The following OXCT1 variants were observed in gnomAD, a reference collection of about 807,000 sequenced individuals.
OXCT1 encodes succinyl-CoA:3-ketoacid coenzyme A transferase 1, mitochondrial.
A neutral mutation model predicts 69.6 loss-of-function variants in OXCT1; 27 were observed. That is an observed-to-expected ratio of 0.39 (90% CI 0.29 to 0.54). The LOEUF is 0.54. Ranked by LOEUF, OXCT1 falls within the 20% of genes least tolerant of loss-of-function variation. The pLI is 0.72. For missense variants in OXCT1, 437 were observed against 650.2 expected (o/e 0.67, Z 3.57); for synonymous variants, 202 against 217.8 (o/e 0.93, Z 0.64).
intron 4 of OXCT1, among the ~76,000 whole-genome samples, chr5:41,850,959 A>G (rs1240941954): frequency 2.0e-5 from 3 of 152,140 alleles, no homozygotes; most frequent in Non-Finnish European, 2.9e-5. Context: ...GCCTACTGTG[A>G]TAGACTTGTT....
At chr5:41,738,666 A>T (rs1236360859) in intron 16 of OXCT1, among the ~76,000 whole-genome samples, 1 of 152,142 alleles carries the variant, frequency 6.6e-6, no homozygotes, top group Non-Finnish European at 1.5e-5. Context: ...TTTTAGTTTT[A>T]CTTTTGGTTA....
chr5:41,785,233 G>A (rs1745586824), intron 13 of OXCT1, among the ~76,000 whole-genome samples: 1 of 152,158 alleles, frequency 6.6e-6, no homozygotes, highest in Non-Finnish European at 1.5e-5. Flanking sequence ...AGGAAGTAAA[G>A]GTCCATCCCA....
chr5:41,868,626 G>C (rs1750120067), intron 1 of OXCT1, among the ~76,000 whole-genome samples: 1 of 151,630 alleles, frequency 6.6e-6, no homozygotes, highest in African/African-American at 2.4e-5. Context: ...GGGAGGCTGA[G>C]GCAGGAGAAT....
intron 1 of OXCT1, among the ~76,000 whole-genome samples, chr5:41,866,639 T>C (rs1194902392): frequency 6.6e-6 from 1 of 152,122 alleles, no homozygotes; most frequent in Non-Finnish European, 1.5e-5. Context: ...CTACCAAAGG[T>C]AGAATTTTCA....
chr5:41,734,508 G>A (rs904215359), intron 16 of OXCT1, among the ~76,000 whole-genome samples: 1 of 151,984 alleles, frequency 6.6e-6, no homozygotes, highest in African/African-American at 2.4e-5. Context: ...TAATACTTTC[G>A]CCCATCAAGT....
At chr5:41,824,365 T>C (rs1021352308) in intron 7 of OXCT1, among the ~76,000 whole-genome samples, 4 of 152,216 alleles carry the variant, frequency 2.6e-5, no homozygotes, top group African/African-American at 9.6e-5. Context: ...ATTGAAAATA[T>C]TTCAAGTATA....
intron 12 of OXCT1, 100 bp downstream of exon 12, chr5:41,794,577 G>T: frequency 9.4e-7 from 1 of 1,062,422 alleles, no homozygotes; most frequent in Non-Finnish European, 1.4e-6. Context: ...TTTTCTGGCT[G>T]GGAAATGTGG....
intron 5 of OXCT1, among the ~76,000 whole-genome samples, chr5:41,846,378 A>G (rs1206785018): frequency 9.8e-5 from 14 of 142,976 alleles, no homozygotes; most frequent in African/African-American, 3.1e-4. Context: ...GAGAATATGC[A>G]GTGTTTGGTT....
intron 7 of OXCT1, among the ~76,000 whole-genome samples, chr5:41,810,845 C>A (rs1205908095): frequency 4.6e-5 from 7 of 151,750 alleles, no homozygotes; most frequent in Admixed American, 4.6e-4. Flanking sequence ...ATGGACCCAA[C>A]CCTAAATGGT....
intron 3 of OXCT1, among the ~76,000 whole-genome samples, chr5:41,860,209 C>T (rs766462199): frequency 6.6e-5 from 10 of 152,006 alleles, no homozygotes; most frequent in Non-Finnish European, 1.5e-4. Flanking sequence ...TTTCTACAAT[C>T]CCATTCCCCT....
intron 15 of OXCT1, among the ~76,000 whole-genome samples, chr5:41,744,829 C>T (rs541623304): frequency 9.2e-5 from 14 of 152,030 alleles, no homozygotes; most frequent in African/African-American, 3.1e-4. Context: ...ACAAAGAAGG[C>T]CATTACATAA....
Position 41,819,162 on chromosome 5 carries a change from G to A in OXCT1, c.733-11724C>T, listed in dbSNP as rs548217847. On this transcript the variant is annotated intron_variant, in intron 7 of 16. Transcript: ENST00000196371. ...AAACATGAAATAAATCGATAAGTAG[G>A]TCAAAAGTTGTTAAACCAAAAGAGA... Among the ~76,000 whole-genome samples the A allele has an allele frequency of 1.3e-3, 191 of 152,226 alleles. 2 individuals carry two copies. In the Middle Eastern group the frequency reaches 0.038, roughly 30 times the overall value.
intron 7 of OXCT1, among the ~76,000 whole-genome samples, chr5:41,812,779 C>T (rs992481199): frequency 7.2e-5 from 11 of 151,852 alleles, no homozygotes; most frequent in African/African-American, 2.4e-4. Context: ...AATTCAATTC[C>T]AAGAAGAGCT....
At chr5:41,816,567 A>G (rs1374461008) in intron 7 of OXCT1, among the ~76,000 whole-genome samples, 1 of 152,180 alleles carries the variant, frequency 6.6e-6, no homozygotes, top group Non-Finnish European at 1.5e-5. Context: ...AAGTTAAATA[A>G]TTCAAACTTA....
At chr5:41,754,752 G>A (rs1743976625) in intron 14 of OXCT1, among the ~76,000 whole-genome samples, 1 of 152,002 alleles carries the variant, frequency 6.6e-6, no homozygotes. Flanking sequence ...GAGAGACTCA[G>A]CTAACTTAGA....
At chr5:41,800,951 T>C in intron 11 of OXCT1, 71 bp downstream of exon 11, 1 of 1,304,500 alleles carries the variant, frequency 7.7e-7, no homozygotes, top group Non-Finnish European at 1.1e-6. Flanking sequence ...AGACAAAGAA[T>C]TGAGTCCAAA....
intron 9 of OXCT1, among the ~76,000 whole-genome samples, chr5:41,803,385 T>A (rs1746513260): frequency 6.6e-6 from 1 of 152,046 alleles, no homozygotes; most frequent in South Asian, 2.1e-4. Flanking sequence ...AATATCAAAG[T>A]AGTGGCCTCA....
intron 1 of OXCT1, among the ~76,000 whole-genome samples, chr5:41,869,208 C>T (rs1036826421): frequency 6.6e-6 from 1 of 152,226 alleles, no homozygotes; most frequent in Admixed American, 6.5e-5. Context: ...AGCTCAGTGG[C>T]TCCTCTGTGT....
intron 3 of OXCT1, among the ~76,000 whole-genome samples, chr5:41,859,870 T>TATATATATATATATATATGTA (rs1561135508): frequency 7.5e-5 from 9 of 119,450 alleles, no homozygotes; most frequent in African/African-American, 2.6e-4. Flanking sequence ...TAGTAATATA[T>TATATATATATATATATATGTA]ATATATATAT....
Sources: allele counts gnomAD v4.1 joint callset (sites outside exome capture counted in the v4.1 genomes callset), GRCh38; gene constraint gnomAD v4.1.1; transcripts MANE v1.5; gene names NCBI Gene and HGNC (gene_info 2026-07-23, HGNC 2026-07-21).